The following LINGO2 variants were observed in gnomAD, a reference collection of about 807,000 sequenced individuals.
LINGO2 encodes leucine-rich repeat and immunoglobulin-like domain-containing nogo receptor-interacting protein 2.
Under a neutral mutation model 30.6 loss-of-function variants are expected in LINGO2, and 14 were observed. The observed-to-expected ratio is 0.46, with a 90% CI of 0.30 to 0.72. LINGO2 has a LOEUF of 0.72. Among genes scored for constraint, LINGO2 ranks in the 30% least tolerant of loss-of-function variants. The probability of loss-of-function intolerance (pLI) is 0.07; values close to 1 mark genes in which losing one functional copy is unlikely to be tolerated. For synonymous variants in LINGO2, 317 were observed against 288.5 expected (o/e 1.10, Z -1.00); for missense variants, 729 against 751.7 (o/e 0.97, Z 0.35).
chr9:27,983,038 CAT>C (rs767359519), intron 5 of LINGO2, among the ~76,000 whole-genome samples: 53 of 151,858 alleles, frequency 3.5e-4, no homozygotes, highest in Non-Finnish European at 3.1e-4. Flanking sequence ...CACATAAAAA[CAT>C]ATAATATGGA....
At chr9:28,054,785 A>G (rs949653341) in intron 4 of LINGO2, among the ~76,000 whole-genome samples, 9 of 151,244 alleles carry the variant, frequency 6.0e-5, no homozygotes, top group African/African-American at 2.2e-4. Flanking sequence ...TCCAGGCTAT[A>G]ACTTAATTTT....
chr9:28,841,821 A>G, the LINGO2 span, among the ~76,000 whole-genome samples: 3 of 151,810 alleles, frequency 2.0e-5, no homozygotes, highest in Non-Finnish European at 4.4e-5. Flanking sequence ...CTCAAGAAAT[A>G]GTTGACAGTA....
the LINGO2 span, among the ~76,000 whole-genome samples, chr9:29,020,585 C>CA: frequency 0.65 from 98,389 of 151,968 alleles, 34,192 homozygotes; most frequent in Non-Finnish European, 0.76. Context: ...GCCAAGTACC[C>CA]AAGCTCAATG....
At chr9:28,868,159 A>C in the LINGO2 span, among the ~76,000 whole-genome samples, 2 of 152,066 alleles carry the variant, frequency 1.3e-5, no homozygotes, top group African/African-American at 2.4e-5. Context: ...GCTTACACTT[A>C]ATAAAGTCTC....
At chr9:29,207,675 T>C in the LINGO2 span, among the ~76,000 whole-genome samples, 1 of 152,070 alleles carries the variant, frequency 6.6e-6, no homozygotes, top group Non-Finnish European at 1.5e-5. Context: ...CATTTAGTCT[T>C]ACTCATTTTG....
chr9:28,965,188 A>G, the LINGO2 span, among the ~76,000 whole-genome samples: 1 of 151,982 alleles, frequency 6.6e-6, no homozygotes, highest in African/African-American at 2.4e-5. Context: ...TAGGATAGAA[A>G]TTCAAGAGGT....
the LINGO2 span, among the ~76,000 whole-genome samples, chr9:29,162,269 T>C: frequency 1.3e-5 from 2 of 152,104 alleles, no homozygotes; most frequent in African/African-American, 4.8e-5. Flanking sequence ...ATCCACATAA[T>C]GTGAAGAATA....
chr9:28,944,337 GC>G, the LINGO2 span, among the ~76,000 whole-genome samples: 5 of 143,672 alleles, frequency 3.5e-5, no homozygotes, highest in Non-Finnish European at 7.6e-5. Context: ...TACAAAGGGG[GC>G]TGGACATACC....
At chr9:28,313,880 T>C (rs1220654883) in intron 3 of LINGO2, among the ~76,000 whole-genome samples, 1 of 152,172 alleles carries the variant, frequency 6.6e-6, no homozygotes, top group East Asian at 1.9e-4. Context: ...TAAATGTTCA[T>C]AGACTTAGTT....
At chr9:27,988,107 T>G (rs1243327174) in intron 5 of LINGO2, among the ~76,000 whole-genome samples, 2 of 151,900 alleles carry the variant, frequency 1.3e-5, no homozygotes, top group Non-Finnish European at 2.9e-5. Flanking sequence ...GTGGTGTTTG[T>G]TTTTTTGTCC....
At chr9:28,939,861 C>G in the LINGO2 span, among the ~76,000 whole-genome samples, 2 of 152,080 alleles carry the variant, frequency 1.3e-5, no homozygotes, top group Non-Finnish European at 2.9e-5. Flanking sequence ...TTATTAAGAC[C>G]TGTAGTCCTC....
At chr9:29,185,062 C>T in the LINGO2 span, among the ~76,000 whole-genome samples, 2 of 152,002 alleles carry the variant, frequency 1.3e-5, no homozygotes, top group Non-Finnish European at 2.9e-5. Flanking sequence ...TGATCTTGGC[C>T]CAGCTCAACT....
At position 28,147,879 on chromosome 9, in the gene LINGO2, T is replaced by C. The variant is rs1827861254; in HGVS notation, c.-86-135474A>G. Among the ~76,000 whole-genome samples, 1 of 152,140 alleles carries C rather than the reference T, an allele frequency of 6.6e-6. No homozygotes were observed. The highest frequency in any genetic ancestry group is 2.4e-5 in the African/African-American group (1 of 41,428). The stretch of plus-strand genomic sequence containing the variant: ...TGTCACCAGCCCCATAGTGATGTCA[T>C]AAACTCCCAGATGCCCAGTGTGCAC... On this transcript the variant is annotated intron_variant, in intron 4 of 5. Transcript: ENST00000379992. The surrounding 1 kb of genome is among the most constrained non-coding windows in gnomAD (Gnocchi z 4.7).
At chr9:28,281,064 C>G (rs1297166061) in intron 4 of LINGO2, among the ~76,000 whole-genome samples, 1 of 151,990 alleles carries the variant, frequency 6.6e-6, no homozygotes, top group Non-Finnish European at 1.5e-5. Context: ...GTCAGATATG[C>G]AAACTTTGAA....
chr9:28,691,761 T>G, the LINGO2 span, among the ~76,000 whole-genome samples: 1 of 152,192 alleles, frequency 6.6e-6, no homozygotes, highest in African/African-American at 2.4e-5. Context: ...AAAAAGATTT[T>G]AAAAGCTTGT....
the LINGO2 span, among the ~76,000 whole-genome samples, chr9:28,852,217 T>C: frequency 7.9e-5 from 12 of 152,088 alleles, no homozygotes; most frequent in South Asian, 2.3e-3. Flanking sequence ...TGTTTGTTCA[T>C]TATACATCAC....
intron 3 of LINGO2, among the ~76,000 whole-genome samples, chr9:28,361,329 G>A (rs1820434144): frequency 6.6e-6 from 1 of 152,020 alleles, no homozygotes; most frequent in South Asian, 2.1e-4. Flanking sequence ...TTTTTCATAG[G>A]TATGTATGTA....
Position 28,571,620 on chromosome 9 carries a change from G to T in LINGO2, c.-364-95595C>A, listed in dbSNP as rs111303949. ...TTATGCAGTTAAGTGATGGATTGAA[G>T]ATTTAAATCCACTTCTTTTGTATGG... On this transcript the variant is annotated intron_variant, in intron 1 of 5. Transcript: ENST00000379992. Among the ~76,000 whole-genome samples the T allele has an allele frequency of 6.6e-5, 10 of 152,178 alleles. 1 individual carries two copies. The highest frequency in any genetic ancestry group is 2.4e-4 in the African/African-American group (10 of 41,558).
chr9:28,800,626 T>C, the LINGO2 span, among the ~76,000 whole-genome samples: 2 of 152,024 alleles, frequency 1.3e-5, no homozygotes, highest in African/African-American at 4.8e-5. Context: ...ATAAAATAAA[T>C]GGAGCTGTAA....
Sources: gnomAD v4.1 joint callset for allele counts (sites outside exome capture counted in the v4.1 genomes callset) on GRCh38, gnomAD v4.1.1 for gene constraint, Gnocchi (gnomAD v3.1) non-coding constraint, MANE v1.5 for transcripts, NCBI Gene and HGNC (gene_info 2026-07-23, HGNC 2026-07-21) for gene names.